Variants in CCDC60 observed in about 807,000 individuals in gnomAD.
CCDC60 encodes the protein coiled-coil domain containing 60, also known as coiled-coil domain-containing protein 60.
A neutral mutation model predicts 63.5 loss-of-function variants in CCDC60; 54 were observed. The observed-to-expected ratio is 0.85, with a 90% CI of 0.68 to 1.07. CCDC60 has a LOEUF of 1.07. CCDC60 is among the 50% of genes least tolerant of loss of function. CCDC60 has a pLI of 0.00. For synonymous variants in CCDC60, 206 were observed against 238.8 expected, an observed-to-expected ratio of 0.86 and a Z score of 1.27; for missense variants, 651 against 684.3, an observed-to-expected ratio of 0.95 and a Z score of 0.54.
At chr12:119,515,893 T>C (rs1952340315) in intron 7 of CCDC60, among the ~76,000 whole-genome samples, 1 of 152,140 alleles carries the variant, frequency 6.6e-6, no homozygotes, top group Admixed American at 6.5e-5. Context: ...TGTGGATTGC[T>C]GGTTTAAAAC....
intron 1 of CCDC60, chr12:119,388,070 C>T (rs1350755189): frequency 6.6e-6 from 1 of 152,210 alleles, no homozygotes; most frequent in Non-Finnish European, 1.5e-5. Flanking sequence ...AATTCATCGG[C>T]TCAATGTCAT....
At position 119,523,747 on chromosome 12, in the gene CCDC60, G is replaced by A; in HGVS notation, c.1158G>A (p.Met386Ile). The change falls in exon 11 of 14, where the codon ATG (methionine) becomes ATA (isoleucine). Residue 386 changes from methionine (M) to isoleucine (I), a missense_variant. Transcript: ENST00000327554. Reference sequence around the variant, plus strand: ...ACAAGAGTGGGGTGTGTAACACCATGAGGGCCAAGTTTTACAGCGTAGCCC... The same window carrying A: ...ACAAGAGTGGGGTGTGTAACACCATAAGGGCCAAGTTTTACAGCGTAGCCC... ...IHYKSGVCNTMRAKFYSVAQE... is the reference protein window; with the variant it reads ...IHYKSGVCNTIRAKFYSVAQE... 6.2e-7 allele frequency: 1 copy of A among 1,614,216 alleles called. No homozygotes were observed. The highest frequency in any genetic ancestry group is 8.5e-7 in the Non-Finnish European group (1 of 1,180,026).
intron 1 of CCDC60, among the ~76,000 whole-genome samples, chr12:119,418,333 T>C (rs1956741534): frequency 6.6e-6 from 1 of 150,422 alleles, no homozygotes; most frequent in South Asian, 2.1e-4. Context: ...CACAGAAATT[T>C]CACATTAACC....
chr12:119,450,868 A>G (rs112180153), intron 2 of CCDC60, among the ~76,000 whole-genome samples: 6 of 141,712 alleles, frequency 4.2e-5, no homozygotes, highest in Non-Finnish European at 6.1e-5. Flanking sequence ...AAAAAAAAAA[A>G]AGAGAGAGAG....
chr12:119,360,184 C>T (rs1375289160), intron 1 of CCDC60, among the ~76,000 whole-genome samples: 3 of 150,984 alleles, frequency 2.0e-5, no homozygotes, highest in Non-Finnish European at 4.4e-5. Context: ...CCACCTCCCT[C>T]CCGGACAGGG....
At chr12:119,472,241 A>G (rs1951077401) in intron 3 of CCDC60, 77 bp downstream of exon 3, 1 of 1,375,208 alleles carries the variant, frequency 7.3e-7, no homozygotes, top group African/African-American at 1.4e-5. Context: ...GGTAAGGTCA[A>G]GCGAGGGCAG....
chr12:119,452,869 C>T (rs1950659934), intron 2 of CCDC60, among the ~76,000 whole-genome samples: 1 of 152,052 alleles, frequency 6.6e-6, no homozygotes, highest in East Asian at 1.9e-4. Flanking sequence ...GTCACGCAGG[C>T]TGGAGTCCAG....
chr12:119,360,458 G>A (rs1955772018), intron 1 of CCDC60, among the ~76,000 whole-genome samples: 1 of 151,968 alleles, frequency 6.6e-6, no homozygotes. Flanking sequence ...TCCCAGACGG[G>A]GTGGCTGCCG....
chr12:119,428,285 T>C lies in CCDC60; in HGVS notation c.91-398T>C, dbSNP rs567254360. Among the ~76,000 whole-genome samples the C allele has an allele frequency of 6.0e-4, 91 of 152,340 alleles. 1 individual carries two copies. The South Asian group carries it at 0.018, about 30-fold the overall frequency. On this transcript the variant is annotated intron_variant, in intron 1 of 13. Transcript: ENST00000327554. ...AATTTTTTGCTCTAAAGTGTAATGC[T>C]TATAGTAGTAGCTTCCATTTATCTA...
At chr12:119,510,613 A>C (rs1952190318) in intron 7 of CCDC60, among the ~76,000 whole-genome samples, 1 of 152,112 alleles carries the variant, frequency 6.6e-6, no homozygotes, top group African/African-American at 2.4e-5. Flanking sequence ...AAAAAGATAA[A>C]AGCTTATTTT....
intron 3 of CCDC60, among the ~76,000 whole-genome samples, chr12:119,474,082 G>GA (rs914628252): frequency 5.9e-5 from 9 of 151,992 alleles, no homozygotes; most frequent in Admixed American, 2.0e-4. Context: ...TTACATTCCC[G>GA]AAAAAAAGTG....
intron 2 of CCDC60, among the ~76,000 whole-genome samples, chr12:119,435,892 G>A (rs1001163061): frequency 8.5e-5 from 13 of 152,170 alleles, no homozygotes; most frequent in Non-Finnish European, 1.8e-4. Context: ...TGCTGATCTT[G>A]GCTGGATTCT....
intron 1 of CCDC60, among the ~76,000 whole-genome samples, chr12:119,341,340 G>T (rs898431595): frequency 4.0e-5 from 6 of 151,700 alleles, no homozygotes; most frequent in African/African-American, 4.8e-5. Context: ...CAGCTGCTCT[G>T]CAGGGGGAGG....
intron 5 of CCDC60, among the ~76,000 whole-genome samples, chr12:119,492,535 A>C (rs1032545836): frequency 6.6e-6 from 1 of 152,222 alleles, no homozygotes; most frequent in African/African-American, 2.4e-5. Context: ...TTCAACACTT[A>C]ATCCCTATTT....
chr12:119,355,220 G>A (rs1382315233), intron 1 of CCDC60, among the ~76,000 whole-genome samples: 1 of 152,136 alleles, frequency 6.6e-6, no homozygotes, highest in Non-Finnish European at 1.5e-5. Flanking sequence ...ACTAATAGGT[G>A]GTCTGATCTT....
chr12:119,452,845 T>G (rs1445351119), intron 2 of CCDC60, among the ~76,000 whole-genome samples: 1 of 152,056 alleles, frequency 6.6e-6, no homozygotes, highest in Non-Finnish European at 1.5e-5. Flanking sequence ...TTGTTTTAGA[T>G]GGACCCTCAC....
chr12:119,489,044 C>T (rs1028012400), intron 5 of CCDC60, among the ~76,000 whole-genome samples, 178 bp downstream of exon 5: 6 of 152,170 alleles, frequency 3.9e-5, no homozygotes, highest in South Asian at 2.1e-4. Flanking sequence ...TATGCAGATT[C>T]GTGGGAGCCG....
At position 119,457,370 on chromosome 12, in the gene CCDC60, C is replaced by T. The variant is rs1211014900; in HGVS notation, c.171-14624C>T. 2.6e-5 allele frequency among the ~76,000 whole-genome samples: 4 copies of T among 152,174 alleles called. No homozygotes were observed. The South Asian group carries it at 8.3e-4, about 32-fold the overall frequency. On this transcript the variant is annotated intron_variant, in intron 2 of 13. Transcript: ENST00000327554. ...GTCTTTCTCTTTGGGCTGAGTCATTCAGAAAGGAGAGAAATCCATCTGAAA... is the reference window on the plus strand; with the variant it reads ...GTCTTTCTCTTTGGGCTGAGTCATTTAGAAAGGAGAGAAATCCATCTGAAA...
chr12:119,531,888 G>C (rs1003411325), intron 13 of CCDC60, among the ~76,000 whole-genome samples: 1 of 152,234 alleles, frequency 6.6e-6, no homozygotes, highest in Non-Finnish European at 1.5e-5. Flanking sequence ...TGTTAGCAGA[G>C]GTTAATGAAG....
Sources: gnomAD v4.1 joint callset for allele counts (sites outside exome capture counted in the v4.1 genomes callset) on GRCh38, gnomAD v4.1.1 for gene constraint, MANE v1.5 for transcripts, NCBI Gene and HGNC (gene_info 2026-07-23, HGNC 2026-07-21) for gene names.